Variants in DLGAP1 observed in about 807,000 individuals in gnomAD.
DLGAP1 encodes the protein DLG associated protein 1.
In DLGAP1, 11 loss-of-function variants were observed where a neutral mutation model predicts 90.8. That is an observed-to-expected ratio of 0.12 (90% CI 0.08 to 0.20). The LOEUF (loss-of-function observed/expected upper bound fraction) is 0.20. Ranked by LOEUF, DLGAP1 falls within the 10% of genes least tolerant of loss-of-function variation. DLGAP1 has a pLI of 1.00. For synonymous variants in DLGAP1, 558 were observed against 540.7 expected (o/e 1.03, Z -0.44); for missense variants, 1,050 against 1,333.8 (o/e 0.79, Z 3.31).
chr18:4,395,249 T>A (rs563962528), intron 1 of DLGAP1, among the ~76,000 whole-genome samples: 23 of 152,314 alleles, frequency 1.5e-4, no homozygotes, highest in Admixed American at 5.9e-4. Flanking sequence ...AAATTCCAAA[T>A]GGGTATTAAC....
intron 7 of DLGAP1, among the ~76,000 whole-genome samples, chr18:3,621,779 T>G (rs2146037006): frequency 6.6e-6 from 1 of 152,336 alleles, no homozygotes; most frequent in Admixed American, 6.5e-5. Flanking sequence ...CTAAGGTTTT[T>G]CTTTCAACAC....
chr18:3,751,828 G>T (rs1404485458), intron 5 of DLGAP1, among the ~76,000 whole-genome samples: 8 of 150,106 alleles, frequency 5.3e-5, no homozygotes. Context: ...CTCCCAAAGT[G>T]CTGGGATTAC....
At chr18:4,133,661 C>T (rs1176634775) in intron 2 of DLGAP1, among the ~76,000 whole-genome samples, 1 of 152,118 alleles carries the variant, frequency 6.6e-6, no homozygotes, top group Non-Finnish European at 1.5e-5. Flanking sequence ...TGCTCATTTG[C>T]AAAGTGTAAA....
At chr18:4,070,546 T>C (rs1260090825) in intron 2 of DLGAP1, among the ~76,000 whole-genome samples, 1 of 151,974 alleles carries the variant, frequency 6.6e-6, no homozygotes, top group Non-Finnish European at 1.5e-5. Context: ...CCATATATGA[T>C]AACTATAAAA....
chr18:4,164,686 A>G (rs2076904413), intron 1 of DLGAP1, among the ~76,000 whole-genome samples: 1 of 152,136 alleles, frequency 6.6e-6, no homozygotes, highest in South Asian at 2.1e-4. Context: ...TCTCAAAAAA[A>G]CAAAACAAAA....
intron 10 of DLGAP1, among the ~76,000 whole-genome samples, chr18:3,528,652 T>C (rs62083987): frequency 2.0e-5 from 3 of 152,236 alleles, no homozygotes; most frequent in Non-Finnish European, 4.4e-5. Context: ...AGGGGTATTG[T>C]GAGGGCAAGA....
chr18:3,665,166 C>T (rs1255315939), intron 7 of DLGAP1, among the ~76,000 whole-genome samples: 1 of 152,150 alleles, frequency 6.6e-6, no homozygotes, highest in East Asian at 1.9e-4. Flanking sequence ...TTAGGGAGCT[C>T]TCCTAAAAGT....
At chr18:4,354,046 G>A (rs749795454) in intron 1 of DLGAP1, among the ~76,000 whole-genome samples, 1 of 152,158 alleles carries the variant, frequency 6.6e-6, no homozygotes, top group Non-Finnish European at 1.5e-5. Context: ...TACCGCCATC[G>A]ACAGGTAAGG....
At chr18:4,327,313 C>G (rs916823025) in intron 1 of DLGAP1, among the ~76,000 whole-genome samples, 7 of 151,960 alleles carry the variant, frequency 4.6e-5, no homozygotes, top group African/African-American at 1.7e-4. Context: ...CAAAACATCA[C>G]ATTACATCCT....
At chr18:3,519,598 C>A (rs1599028008) in intron 10 of DLGAP1, among the ~76,000 whole-genome samples, 1 of 152,190 alleles carries the variant, frequency 6.6e-6, no homozygotes, top group East Asian at 1.9e-4. Flanking sequence ...ATCCCCAAGG[C>A]AATAACAATA....
chr18:3,692,012 A>G (rs2060914388), intron 7 of DLGAP1, among the ~76,000 whole-genome samples: 1 of 152,242 alleles, frequency 6.6e-6, no homozygotes, highest in African/African-American at 2.4e-5. Context: ...TCTTGAATCC[A>G]CGTAATGGTG....
intron 1 of DLGAP1, among the ~76,000 whole-genome samples, chr18:4,152,678 C>T (rs1181828589): frequency 6.6e-6 from 1 of 152,098 alleles, no homozygotes. Flanking sequence ...ACACAACAGC[C>T]TCAGGCATGA....
At chr18:3,556,251 C>T (rs1480792532) in intron 9 of DLGAP1, among the ~76,000 whole-genome samples, 14 of 152,142 alleles carry the variant, frequency 9.2e-5, no homozygotes, top group African/African-American at 2.7e-4. Flanking sequence ...CCACATTTCA[C>T]ACTAGAGTGG....
At chr18:4,087,332 G>A (rs1317166905) in intron 2 of DLGAP1, among the ~76,000 whole-genome samples, 4 of 152,110 alleles carry the variant, frequency 2.6e-5, no homozygotes, top group African/African-American at 9.6e-5. Context: ...GCCCACAACA[G>A]GTTTACCAGA....
chr18:4,306,083 A>G lies in DLGAP1; in HGVS notation c.-267+148923T>C, dbSNP rs535535293. ...ACACACACGGGGGAGAGGGGGGCGG[A>G]GAGAGAGAGAGAGAGAGAGGGAGAG... On this transcript the variant is annotated intron_variant, in intron 1 of 12. Coordinates refer to ENST00000315677, the MANE Select transcript of DLGAP1 (RefSeq NM_004746.4). Among the ~76,000 whole-genome samples, 881 of 144,034 alleles carry G rather than the reference A, an allele frequency of 6.1e-3. 10 individuals are homozygous for G. Among genetic ancestry groups the G allele is most frequent in the African/African-American group, 0.023 (853 of 37,746 alleles). 94.5% of individuals were successfully genotyped at this position (144,034 alleles called of 152,430 possible). A position where few individuals can be genotyped will look rare whatever the true frequency, so the allele number is the denominator to read the frequency against.
chr18:3,855,121 A>G (rs1021043012), intron 4 of DLGAP1, among the ~76,000 whole-genome samples: 2 of 152,194 alleles, frequency 1.3e-5, no homozygotes, highest in Non-Finnish European at 2.9e-5. Flanking sequence ...AAAAAGAATG[A>G]ACTTATATCC....
At chr18:4,141,190 A>G (rs1256921299) in intron 2 of DLGAP1, among the ~76,000 whole-genome samples, 1 of 151,898 alleles carries the variant, frequency 6.6e-6, no homozygotes, top group Non-Finnish European at 1.5e-5. Flanking sequence ...TTTTGAGGCT[A>G]TTTTCTAGAT....
intron 2 of DLGAP1, among the ~76,000 whole-genome samples, chr18:4,015,943 A>G (rs976397927): frequency 6.6e-5 from 10 of 152,244 alleles, no homozygotes; most frequent in Admixed American, 5.9e-4. Flanking sequence ...AGGTAAACAA[A>G]TAATATTGTA....
chr18:4,219,032 T>C (rs1056571110), intron 1 of DLGAP1, among the ~76,000 whole-genome samples: 1 of 136,170 alleles, frequency 7.3e-6, no homozygotes, highest in Non-Finnish European at 1.6e-5. Context: ...TCTTTGTTTT[T>C]TTTTTTTTTT....
Sources: gnomAD v4.1 joint callset for allele counts (sites outside exome capture counted in the v4.1 genomes callset) on GRCh38, gnomAD v4.1.1 for gene constraint, MANE v1.5 for transcripts, NCBI Gene and HGNC (gene_info 2026-07-23, HGNC 2026-07-21) for gene names.